Variants in GREB1L observed in about 807,000 individuals in gnomAD.
GREB1L encodes GREB1-like protein.
In GREB1L, 17 loss-of-function variants were observed where a neutral mutation model predicts 200.8. The observed-to-expected ratio is 0.08, with a 90% CI of 0.06 to 0.13. The LOEUF (loss-of-function observed/expected upper bound fraction) is 0.13, where lower values mean the gene tolerates loss of function less well. Ranked by LOEUF, GREB1L falls within the 10% of genes least tolerant of loss-of-function variation. GREB1L has a pLI of 1.00. For missense variants in GREB1L, 1,657 were observed against 2,367.7 expected (o/e 0.70, Z 6.23); for synonymous variants, 789 against 893.0 (o/e 0.88, Z 2.08).
chr18:21,514,126 A>G lies in GREB1L; in HGVS notation c.4901+140A>G, dbSNP rs577369485. 6 of 726,520 alleles carry G rather than the reference A, an allele frequency of 8.3e-6. No homozygotes were observed. The South Asian group carries it at 1.2e-4, about 15-fold the overall frequency. The allele number at this position is 726,520 out of a possible 1,614,324, so 45.0% of individuals were successfully genotyped here. ...AGTCAACCATGAGACCACCCTCACT[A>G]GAACATTTTGTGGTGACTTAGGAAT... On this transcript the variant is annotated intron_variant, in intron 28 of 32. Coordinates refer to ENST00000424526, the MANE Select transcript of GREB1L (RefSeq NM_001142966.3).
chr18:21,410,848 T>TG (rs1408073357), intron 7 of GREB1L, among the ~76,000 whole-genome samples: 1 of 149,400 alleles, frequency 6.7e-6, no homozygotes, highest in Admixed American at 6.7e-5. Flanking sequence ...GCTCACTCTT[T>TG]GGGAGGCTGA....
intron 7 of GREB1L, among the ~76,000 whole-genome samples, chr18:21,411,762 G>T (rs544781465): frequency 1.3e-5 from 2 of 151,898 alleles, no homozygotes; most frequent in South Asian, 4.2e-4. Context: ...AAATAGAATG[G>T]GGGCCGGGCG....
chr18:21,399,344 T>C (rs1379550858), intron 5 of GREB1L, among the ~76,000 whole-genome samples: 6 of 152,236 alleles, frequency 3.9e-5, no homozygotes, highest in African/African-American at 1.4e-4. Context: ...GCAGGGACTT[T>C]GTCTGCTTTG....
At chr18:21,394,579 T>C (rs1422674440) in intron 4 of GREB1L, among the ~76,000 whole-genome samples, 1 of 152,172 alleles carries the variant, frequency 6.6e-6, no homozygotes, top group Non-Finnish European at 1.5e-5. Flanking sequence ...TTTTGTCACA[T>C]CTTGTCATGT....
At chr18:21,349,829 C>G (rs2039407392) in intron 1 of GREB1L, among the ~76,000 whole-genome samples, 1 of 151,948 alleles carries the variant, frequency 6.6e-6, no homozygotes, top group Non-Finnish European at 1.5e-5. Context: ...TATTCCAATG[C>G]AATAATAATA....
chr18:21,340,275 C>G (rs1311027543), intron 1 of GREB1L, among the ~76,000 whole-genome samples: 1 of 151,964 alleles, frequency 6.6e-6, no homozygotes, highest in Non-Finnish European at 1.5e-5. Flanking sequence ...AAAAAATTAG[C>G]CGGGCATGGT....
At chr18:21,465,681 T>C (rs367948236) in intron 15 of GREB1L, among the ~76,000 whole-genome samples, 1 of 152,172 alleles carries the variant, frequency 6.6e-6, no homozygotes, top group African/African-American at 2.4e-5. Flanking sequence ...TGATAATGTA[T>C]CTTTCAGATG....
rs547217028 is a variant in GREB1L, at chr18:21,461,211, GCT to G, written c.2182+6651_2182+6652del. 2.4e-3 allele frequency among the ~76,000 whole-genome samples: 360 copies of G among 152,056 alleles called. 2 individuals carry two copies. The highest frequency in any genetic ancestry group is 6.8e-3 in the Middle Eastern group (2 of 292). ...GCTGATCAGTGGAGGAGCTGGCCCT[GCT>G]CTGTTTCAGCCTGACCCACACGCCT... is the stretch of plus-strand genomic sequence containing the variant. On this transcript the variant is annotated intron_variant, in intron 15 of 32. Transcript: ENST00000424526.
intron 25 of GREB1L, among the ~76,000 whole-genome samples, chr18:21,507,328 A>G (rs2037055694): frequency 6.6e-6 from 1 of 152,234 alleles, no homozygotes; most frequent in Admixed American, 6.5e-5. Context: ...CTGAGGCAGA[A>G]TAAACTAGAA....
rs368705960 is a variant in GREB1L at position 21,369,503 on chromosome 18, C to G, written c.-10+3367C>G. On this transcript the variant is annotated intron_variant, in intron 2 of 32. Transcript: ENST00000424526. Reference sequence around the variant, plus strand: ...GCATTTCAAGGAAAAGTAAAGATTTCCAGTGGTAACGTGTACTTCTTTGTT... The same window carrying G: ...GCATTTCAAGGAAAAGTAAAGATTTGCAGTGGTAACGTGTACTTCTTTGTT... 1.3e-4 allele frequency among the ~76,000 whole-genome samples: 20 copies of G among 152,134 alleles called. No homozygotes were observed. The East Asian group carries it at 2.3e-3, about 18-fold the overall frequency.
intron 7 of GREB1L, among the ~76,000 whole-genome samples, chr18:21,428,708 CTCTTT>C (rs2032860998): frequency 1.1e-5 from 1 of 89,934 alleles, no homozygotes; most frequent in African/African-American, 4.7e-5. Flanking sequence ...CGCGGTTTAT[CTCTTT>C]TTTTTTTTTT....
chr18:21,329,323 TAAAAA>T (rs35862944), intron 1 of GREB1L, among the ~76,000 whole-genome samples: 2 of 92,356 alleles, frequency 2.2e-5, no homozygotes, highest in Non-Finnish European at 4.6e-5. Context: ...AGACTCTGTC[TAAAAA>T]AAAAAAAAAA....
At chr18:21,434,374 G>T (rs995028269) in intron 7 of GREB1L, among the ~76,000 whole-genome samples, 2 of 151,832 alleles carry the variant, frequency 1.3e-5, no homozygotes, top group African/African-American at 2.4e-5. Flanking sequence ...TACTCAGGAG[G>T]CTGAGGCAGG....
chr18:21,272,459 C>A (rs997754209), intron 1 of GREB1L, among the ~76,000 whole-genome samples: 1 of 152,112 alleles, frequency 6.6e-6, no homozygotes, highest in African/African-American at 2.4e-5. Context: ...AGACAGCTGA[C>A]AAAATGGATA....
intron 1 of GREB1L, chr18:21,363,645 T>C (rs1598696463): frequency 6.6e-6 from 1 of 152,172 alleles, no homozygotes; most frequent in South Asian, 2.1e-4. Flanking sequence ...GGGTCTCCAG[T>C]GAACTGCTGG....
In GREB1L at chr18:21,245,697, T is replaced by TTTTTGTTTTG. The variant is rs548631647; in HGVS notation, c.-120+3333_-120+3342dup. ...CATAAAAAATGTAATGCCTATTCTTTTTTTGTTTTGTTTTGTTTTGTTTTG... is the reference window on the plus strand; with the variant it reads ...CATAAAAAATGTAATGCCTATTCTTTTTTTGTTTTGTTTTGTTTTGTTTTGTTTTGTTTTG... On this transcript the variant is annotated intron_variant, in intron 1 of 32. Transcript: ENST00000424526. 1.8e-3 allele frequency among the ~76,000 whole-genome samples: 267 copies of TTTTTGTTTTG among 150,946 alleles called. 1 individual carries two copies. Among genetic ancestry groups the TTTTTGTTTTG allele is most frequent in the African/African-American group, 5.1e-3 (205 of 40,496 alleles).
intron 1 of GREB1L, among the ~76,000 whole-genome samples, chr18:21,257,270 A>T (rs1006695834): frequency 4.6e-5 from 7 of 152,216 alleles, no homozygotes; most frequent in Admixed American, 3.9e-4. Context: ...GCCCAGCCGC[A>T]ATTAAAACGC....
At chr18:21,486,012 ACTG>A (rs1245800584) in intron 18 of GREB1L, among the ~76,000 whole-genome samples, 1 of 152,144 alleles carries the variant, frequency 6.6e-6, no homozygotes, top group Non-Finnish European at 1.5e-5. Context: ...GTCATGCTTC[ACTG>A]CTATCATCAG....
chr18:21,485,715 C>G lies in GREB1L; in HGVS notation c.2652C>G (p.Asp884Glu). 3 of 1,551,360 alleles carry G rather than the reference C, an allele frequency of 1.9e-6. No individual in the cohort carries two copies. The highest frequency in any genetic ancestry group is 2.4e-5 in the East Asian group (1 of 40,904). ...WGITSPLLRC[D>E]ETFEKMVNTL... ...TCACGAGCCCACTTCTGAGATGTGACGAGACTTTTGAAAAAATGGTGAACA... is the reference window on the plus strand; with the variant it reads ...TCACGAGCCCACTTCTGAGATGTGAGGAGACTTTTGAAAAAATGGTGAACA... Residue 884 changes from aspartate to glutamate, a missense_variant, in exon 18 of 33, where the codon GAC becomes GAG. Asp to Glu is a conservative substitution (Grantham distance 45, BLOSUM62 2). Coordinates refer to ENST00000424526, the MANE Select transcript of GREB1L (RefSeq NM_001142966.3).
Sources: gnomAD v4.1 joint callset for allele counts (sites outside exome capture counted in the v4.1 genomes callset) on GRCh38, gnomAD v4.1.1 for gene constraint, MANE v1.5 for transcripts, NCBI Gene and HGNC (gene_info 2026-07-23, HGNC 2026-07-21) for gene names.